The following MALRD1 variants were observed in gnomAD, a reference collection of about 807,000 sequenced individuals.
MALRD1 encodes the protein MAM and LDL-receptor class A domain-containing protein 1.
In MALRD1, 247 loss-of-function variants were observed where a neutral mutation model predicts 242.1. The ratio of observed to expected loss-of-function variants is 1.02; its 90% CI spans 0.92 to 1.13. The LOEUF is 1.13. MALRD1 is among the 50% of genes most tolerant of loss of function. The probability of loss-of-function intolerance (pLI) is 0.00; values close to 1 mark genes in which losing one functional copy is unlikely to be tolerated. For synonymous variants in MALRD1, 995 were observed against 866.6 expected, an observed-to-expected ratio of 1.15 and a Z score of -2.60; for missense variants, 2,989 against 2,533.1, an observed-to-expected ratio of 1.18 and a Z score of -3.86.
chr10:19,175,268 G>T lies in MALRD1; in HGVS notation c.1891G>T (p.Val631Leu), dbSNP rs919422137. The change falls in exon 14 of 40, where the codon GTG becomes TTG. Residue 631 changes from valine to leucine, a missense_variant. By Grantham distance (32) the Val-to-Leu change is conservative (BLOSUM62 1). Coordinates refer to ENST00000454679, the MANE Select transcript of MALRD1 (RefSeq NM_001142308.3). ...NATVALDDIS[V>L]SQECEISYKS... is the part of the protein sequence containing the mutation. ...TACCGTTGCTCTAGATGACATCAGT[G>T]TGTCCCAGGAATGTGAAATTTCCTA... 1.6e-6 allele frequency: 2 copies of T among 1,230,472 alleles called. No individual in the cohort carries two copies. Among genetic ancestry groups the T allele is most frequent in the African/African-American group, 3.1e-5 (2 of 64,348 alleles). The allele number at this position is 1,230,472 out of a possible 1,614,324, so 76.2% of individuals were successfully genotyped here.
chr10:19,591,382 C>T (rs1837773508), intron 33 of MALRD1, among the ~76,000 whole-genome samples: 1 of 152,152 alleles, frequency 6.6e-6, no homozygotes, highest in African/African-American at 2.4e-5. Flanking sequence ...ATTTGCGATC[C>T]TCCTATGATA....
At position 19,068,268 on chromosome 10, in the gene MALRD1, C is replaced by T. The variant is rs148771396; in HGVS notation, c.340+1409C>T. On this transcript the variant is annotated intron_variant, in intron 2 of 39. Coordinates refer to ENST00000454679, the MANE Select transcript of MALRD1 (RefSeq NM_001142308.3). ...AATAGCTTCAGAAGACACTGTGCTT[C>T]CCAATTTTCTTCTCTCTCTCTTTCC... Among the ~76,000 whole-genome samples, 306 of 152,108 alleles carry T rather than the reference C, an allele frequency of 2.0e-3. 2 individuals are homozygous for T. The highest frequency in any genetic ancestry group is 7.0e-3 in the African/African-American group (289 of 41,542).
chr10:19,415,564 G>T (rs766509334), intron 28 of MALRD1, among the ~76,000 whole-genome samples: 1 of 152,044 alleles, frequency 6.6e-6, no homozygotes, highest in African/African-American at 2.4e-5. Context: ...AAGCAGGAAA[G>T]CAAGACTTAA....
At chr10:19,138,898 T>C (rs1443933730) in intron 10 of MALRD1, among the ~76,000 whole-genome samples, 1 of 152,226 alleles carries the variant, frequency 6.6e-6, no homozygotes, top group Non-Finnish European at 1.5e-5. Flanking sequence ...CTTGATGCCA[T>C]ATTCTGCTAT....
At chr10:19,138,714 C>G (rs1233971139) in intron 10 of MALRD1, among the ~76,000 whole-genome samples, 2 of 152,172 alleles carry the variant, frequency 1.3e-5, no homozygotes, top group Non-Finnish European at 1.5e-5. Flanking sequence ...GCCACTGCAC[C>G]TGGGCACTTG....
chr10:19,564,510 A>C (rs1044585371), intron 32 of MALRD1, among the ~76,000 whole-genome samples: 12 of 152,034 alleles, frequency 7.9e-5, no homozygotes, highest in African/African-American at 2.9e-4. Context: ...TTATGACAAA[A>C]GTTATGCTAA....
At chr10:19,069,306 T>A (rs948412883) in intron 2 of MALRD1, among the ~76,000 whole-genome samples, 1 of 152,068 alleles carries the variant, frequency 6.6e-6, no homozygotes, top group African/African-American at 2.4e-5. Flanking sequence ...TTATGAAACA[T>A]GTACGCTATT....
chr10:19,376,768 G>A (rs1030155820), intron 26 of MALRD1, among the ~76,000 whole-genome samples: 1 of 151,694 alleles, frequency 6.6e-6, no homozygotes, highest in African/African-American at 2.4e-5. Context: ...TATTAGAGAC[G>A]GGGTTTCAGT....
At chr10:19,458,828 A>G (rs1386751909) in intron 29 of MALRD1, among the ~76,000 whole-genome samples, 1 of 152,030 alleles carries the variant, frequency 6.6e-6, no homozygotes, top group Non-Finnish European at 1.5e-5. Context: ...CATCTGCCTC[A>G]TCTTCCTGAA....
At chr10:19,447,061 C>G (rs75975993) in intron 28 of MALRD1, among the ~76,000 whole-genome samples, 1 of 84,774 alleles carries the variant, frequency 1.2e-5, no homozygotes, top group Non-Finnish European at 2.4e-5. Context: ...CACACACACA[C>G]ATACACAGAC....
At chr10:19,725,322 G>C (rs1045637806) in intron 38 of MALRD1, among the ~76,000 whole-genome samples, 4 of 152,144 alleles carry the variant, frequency 2.6e-5, no homozygotes, top group African/African-American at 9.7e-5. Context: ...CACAAGGTCT[G>C]ATGGCTTTAG....
chr10:19,558,094 C>A (rs1163522954), intron 32 of MALRD1, among the ~76,000 whole-genome samples: 2 of 151,920 alleles, frequency 1.3e-5, no homozygotes, highest in African/African-American at 2.4e-5. Flanking sequence ...GCATATTATT[C>A]TTGCATCCTG....
chr10:19,723,851 T>C (rs763060633), intron 38 of MALRD1, among the ~76,000 whole-genome samples: 3 of 151,876 alleles, frequency 2.0e-5, no homozygotes, highest in Non-Finnish European at 2.9e-5. Context: ...TCCCGTGAGA[T>C]AGTAGTAGAA....
intron 36 of MALRD1, among the ~76,000 whole-genome samples, chr10:19,691,683 C>T (rs920721948): frequency 1.3e-4 from 20 of 152,032 alleles, no homozygotes; most frequent in Admixed American, 1.3e-3. Context: ...CCATCCGTAC[C>T]AGTGTTAAAA....
At chr10:19,561,331 A>G (rs917235691) in intron 32 of MALRD1, among the ~76,000 whole-genome samples, 6 of 152,184 alleles carry the variant, frequency 3.9e-5, no homozygotes, top group Admixed American at 2.6e-4. Context: ...ATAAATGTAA[A>G]TTAGACCCAG....
Position 19,424,753 on chromosome 10 carries a change from G to GT in MALRD1, c.4846-25546dup, listed in dbSNP as rs201320731. ...AATATTTTCTTTAAAAATCACATTT[G>GT]TTTTTTTTCTCTAAGTCTTGATACA... is the stretch of plus-strand genomic sequence containing the variant. On this transcript the variant is annotated intron_variant, in intron 28 of 39. Transcript: ENST00000454679. 3.4e-3 allele frequency among the ~76,000 whole-genome samples: 518 copies of GT among 151,682 alleles called. 8 individuals are homozygous for GT. The East Asian group carries it at 0.044, about 13-fold the overall frequency.
intron 10 of MALRD1, 148 bp downstream of exon 10, chr10:19,136,929 C>T: frequency 2.0e-6 from 1 of 501,194 alleles, no homozygotes; most frequent in East Asian, 3.5e-5. Flanking sequence ...ACTATTAGTA[C>T]TATGCCTTCA....
intron 29 of MALRD1, among the ~76,000 whole-genome samples, chr10:19,479,281 C>T (rs1023172529): frequency 5.9e-5 from 9 of 152,020 alleles, no homozygotes; most frequent in African/African-American, 2.2e-4. Flanking sequence ...ATATCGTGTG[C>T]TATAATTAGG....
At chr10:19,246,896 C>T (rs1348589149) in intron 18 of MALRD1, among the ~76,000 whole-genome samples, 4 of 152,006 alleles carry the variant, frequency 2.6e-5, no homozygotes, top group Non-Finnish European at 4.4e-5. Flanking sequence ...TAAAGGGATG[C>T]TCTCTATCAC....
Sources: allele counts gnomAD v4.1 joint callset (sites outside exome capture counted in the v4.1 genomes callset), GRCh38; gene constraint gnomAD v4.1.1; transcripts MANE v1.5; gene names NCBI Gene and HGNC (gene_info 2026-07-23, HGNC 2026-07-21).